CRIM1: variants seen among roughly 807,000 people sequenced by gnomAD.
CRIM1 encodes cysteine rich transmembrane BMP regulator 1, also known as cysteine-rich motor neuron 1 protein.
Under a neutral mutation model 116.4 loss-of-function variants are expected in CRIM1, and 32 were observed. The ratio of observed to expected loss-of-function variants is 0.27; its 90% confidence interval spans 0.21 to 0.37. CRIM1 has a LOEUF of 0.37. CRIM1 is among the 10% of genes least tolerant of loss of function. The probability of loss-of-function intolerance (pLI) is 1.00; values close to 1 mark genes in which losing one functional copy is unlikely to be tolerated. For missense variants in CRIM1, 1,331 were observed against 1,354.8 expected (o/e 0.98, Z 0.28); for synonymous variants, 590 against 509.2 (o/e 1.16, Z -2.13).
intron 16 of CRIM1, 46 bp downstream of exon 16, chr2:36,547,217 A>AACTT (rs758024459): frequency 5.4e-6 from 8 of 1,473,202 alleles, no homozygotes; most frequent in African/African-American, 4.2e-5. Flanking sequence ...AATCTAGGAA[A>AACTT]ACTTACACTC....
chr2:36,458,997 A>G (rs1677370051), intron 4 of CRIM1, among the ~76,000 whole-genome samples: 1 of 152,204 alleles, frequency 6.6e-6, no homozygotes, highest in Non-Finnish European at 1.5e-5. Context: ...GTATTCAGGC[A>G]GGAAGGAGTC....
At chr2:36,391,273 C>T (rs1393091745) in intron 1 of CRIM1, among the ~76,000 whole-genome samples, 3 of 151,572 alleles carry the variant, frequency 2.0e-5, no homozygotes, top group African/African-American at 7.3e-5. Flanking sequence ...GGACTACAGG[C>T]GCCCGCCACC....
chr2:36,466,045 GCGGCT>G (rs1677992644), intron 5 of CRIM1, among the ~76,000 whole-genome samples: 1 of 46,838 alleles, frequency 2.1e-5, no homozygotes, highest in Non-Finnish European at 5.5e-5. Context: ...GCCACCACAC[GCGGCT>G]AATTTTTTTG....
chr2:36,483,350 A>C (rs570858580), intron 7 of CRIM1, among the ~76,000 whole-genome samples: 1 of 152,330 alleles, frequency 6.6e-6, no homozygotes, highest in South Asian at 2.1e-4. Flanking sequence ...CTGCAGGGCC[A>C]CTGTTATTTG....
chr2:36,452,686 C>CTT (rs3836079), intron 4 of CRIM1, among the ~76,000 whole-genome samples: 4 of 151,758 alleles, frequency 2.6e-5, no homozygotes, highest in Non-Finnish European at 4.4e-5. Context: ...GGGCCTTAGG[C>CTT]TTTTTTTATC....
intron 7 of CRIM1, among the ~76,000 whole-genome samples, chr2:36,492,920 C>T (rs937452326): frequency 1.3e-5 from 2 of 152,112 alleles, no homozygotes; most frequent in Non-Finnish European, 2.9e-5. Context: ...GAAAAGAAAG[C>T]ATAATTGTTC....
chr2:36,398,378 A>G (rs1303822302), intron 2 of CRIM1, among the ~76,000 whole-genome samples: 1 of 152,194 alleles, frequency 6.6e-6, no homozygotes, highest in Non-Finnish European at 1.5e-5. Flanking sequence ...GGATGATGCT[A>G]TCCCAGGAAG....
intron 11 of CRIM1, among the ~76,000 whole-genome samples, chr2:36,515,528 A>G (rs1245940850): frequency 6.6e-6 from 1 of 152,238 alleles, no homozygotes; most frequent in Non-Finnish European, 1.5e-5. Context: ...TACTTTAAAG[A>G]ATATTTTTCT....
chr2:36,366,218 A>G (rs977077265), intron 1 of CRIM1, among the ~76,000 whole-genome samples: 3 of 152,146 alleles, frequency 2.0e-5, no homozygotes, highest in Non-Finnish European at 4.4e-5. Context: ...TTCCTTCCTG[A>G]TGATCAAACC....
At chr2:36,365,772 T>C (rs564212166) in intron 1 of CRIM1, among the ~76,000 whole-genome samples, 1 of 150,394 alleles carries the variant, frequency 6.6e-6, no homozygotes, top group South Asian at 2.1e-4. Context: ...TCTCACTCTG[T>C]TGCCAGGCTG....
chr2:36,367,270 A>G (rs1572566560), intron 1 of CRIM1, among the ~76,000 whole-genome samples: 1 of 152,360 alleles, frequency 6.6e-6, no homozygotes, highest in East Asian at 1.9e-4. Context: ...AAGACCAAAT[A>G]AATTTCTGTG....
intron 2 of CRIM1, among the ~76,000 whole-genome samples, chr2:36,410,482 C>G (rs867763278): frequency 5.3e-5 from 8 of 151,998 alleles, no homozygotes; most frequent in Non-Finnish European, 8.8e-5. Context: ...AAATGAGCTA[C>G]TATTGTATCT....
intron 1 of CRIM1, among the ~76,000 whole-genome samples, chr2:36,371,391 T>C (rs1216798162): frequency 1.3e-5 from 2 of 152,192 alleles, no homozygotes; most frequent in Admixed American, 6.5e-5. Flanking sequence ...TTGTGTGTTA[T>C]TCTAGCGCTT....
intron 13 of CRIM1, among the ~76,000 whole-genome samples, chr2:36,536,774 C>T (rs1666582698): frequency 6.6e-6 from 1 of 151,168 alleles, no homozygotes; most frequent in Admixed American, 6.6e-5. Context: ...ACAAATAGCT[C>T]TTTTTTTCTC....
At chr2:36,434,025 A>G (rs544764768) in intron 2 of CRIM1, among the ~76,000 whole-genome samples, 1 of 152,188 alleles carries the variant, frequency 6.6e-6, no homozygotes, top group African/African-American at 2.4e-5. Context: ...CCTTGGGGTT[A>G]TGATTGTGCG....
rs371361879 is a variant in CRIM1 at position 36,499,280 on chromosome 2, A to C, written c.1434A>C (p.Thr478=). ...GGGAGTTATCAAACTGCACTCTGAC[A>C]GGGAAGGACTGCATTAATGGTTTCA... ...ACGELSNCTL[T]GKDCINGFKR... The change falls in exon 8 of 17, where the codon ACA becomes ACC. Residue 478 remains threonine, a synonymous_variant. Coordinates refer to ENST00000280527, the MANE Select transcript of CRIM1 (RefSeq NM_016441.3). The C allele has an allele frequency of 6.2e-7, 1 of 1,613,688 alleles. No homozygotes were observed. The highest frequency in any genetic ancestry group is 8.5e-7 in the Non-Finnish European group (1 of 1,179,694).
chr2:36,398,826 A>G lies in CRIM1; in HGVS notation c.505+2039A>G, dbSNP rs191608718. 3.0e-3 allele frequency among the ~76,000 whole-genome samples: 453 copies of G among 152,348 alleles called. 2 individuals carry two copies. The highest frequency in any genetic ancestry group is 4.9e-3 in the Non-Finnish European group (335 of 68,034). ...TGAAGGAAAAAGCATACTTATATTC[A>G]GGTATATATTGTATATGAAAGAATT... is the stretch of plus-strand genomic sequence containing the variant. On this transcript the variant is annotated intron_variant, in intron 2 of 16. Transcript: ENST00000280527.
At chr2:36,537,749 T>C (rs1666656110) in intron 14 of CRIM1, among the ~76,000 whole-genome samples, 1 of 152,252 alleles carries the variant, frequency 6.6e-6, no homozygotes, top group Non-Finnish European at 1.5e-5. Flanking sequence ...TTTGGTTCCA[T>C]GCCAGAATTC....
At chr2:36,377,137 A>G (rs1670384107) in intron 1 of CRIM1, among the ~76,000 whole-genome samples, 1 of 152,184 alleles carries the variant, frequency 6.6e-6, no homozygotes, top group Non-Finnish European at 1.5e-5. Flanking sequence ...TCTGCTGTTC[A>G]GAGCTCAGGG....
Sources: gnomAD v4.1 joint callset for allele counts (sites outside exome capture counted in the v4.1 genomes callset) on GRCh38, gnomAD v4.1.1 for gene constraint, MANE v1.5 for transcripts, NCBI Gene and HGNC (gene_info 2026-07-23, HGNC 2026-07-21) for gene names.